The following SEC31A variants were observed in gnomAD, a reference collection of about 807,000 sequenced individuals.
SEC31A encodes the protein SEC31 homolog A, COPII component, also known as protein transport protein Sec31A.
In SEC31A, 70 loss-of-function variants were observed where a neutral mutation model predicts 151.0. That is an observed-to-expected ratio of 0.46 (90% CI 0.38 to 0.57). The LOEUF (loss-of-function observed/expected upper bound fraction) is 0.57. Ranked by LOEUF, SEC31A falls within the 20% of genes least tolerant of loss-of-function variation. The probability of loss-of-function intolerance (pLI) is 0.00; values close to 1 mark genes in which losing one functional copy is unlikely to be tolerated. For missense variants in SEC31A, 1,330 were observed against 1,471.2 expected, an observed-to-expected ratio of 0.90 and a Z score of 1.57; for synonymous variants, 475 against 505.9, an observed-to-expected ratio of 0.94 and a Z score of 0.82.
At chr4:82,833,158 A>C (rs1011312875) in intron 22 of SEC31A, among the ~76,000 whole-genome samples, 3 of 152,234 alleles carry the variant, frequency 2.0e-5, no homozygotes, top group African/African-American at 7.2e-5. Flanking sequence ...ACCAACCCAA[A>C]TGTCCATCAA....
intron 22 of SEC31A, among the ~76,000 whole-genome samples, chr4:82,841,442 T>TTATATATATATATATATATATATATA (rs58373170): frequency 3.1e-3 from 202 of 64,234 alleles, no homozygotes; most frequent in South Asian, 6.6e-3. Flanking sequence ...AAAAAAAATT[T>TTATATATATATATATATATATATATA]TATATATATA....
At chr4:82,836,291 T>A (rs769734482) in intron 22 of SEC31A, among the ~76,000 whole-genome samples, 1 of 146,792 alleles carries the variant, frequency 6.8e-6, no homozygotes, top group Non-Finnish European at 1.5e-5. Context: ...GAGAATTGCT[T>A]GAACCCAGGA....
chr4:82,821,915 C>A (rs1723455640), intron 25 of SEC31A, among the ~76,000 whole-genome samples: 1 of 152,052 alleles, frequency 6.6e-6, no homozygotes, highest in South Asian at 2.1e-4. Context: ...TTTGTTTAAT[C>A]CTGCCTTTTT....
chr4:82,876,953 G>A (rs1317478828), intron 4 of SEC31A, among the ~76,000 whole-genome samples: 5 of 152,162 alleles, frequency 3.3e-5, no homozygotes, highest in South Asian at 2.1e-4. Context: ...CTATAGAAAC[G>A]AAGGCTGGGC....
chr4:82,841,435 A>G (rs1399155062), intron 22 of SEC31A, among the ~76,000 whole-genome samples: 50 of 30,804 alleles, frequency 1.6e-3, no homozygotes, highest in Non-Finnish European at 4.8e-3. Flanking sequence ...AAAAGAAAAA[A>G]AAAATTTTAT....
intron 1 of SEC31A, among the ~76,000 whole-genome samples, chr4:82,886,803 T>G (rs1335472730): frequency 6.6e-6 from 1 of 152,252 alleles, no homozygotes; most frequent in Non-Finnish European, 1.5e-5. Context: ...ATAAACATTT[T>G]GTAACATTCT....
intron 1 of SEC31A, among the ~76,000 whole-genome samples, chr4:82,887,947 GAGGC>G (rs1049844347): frequency 3.9e-5 from 6 of 152,170 alleles, no homozygotes; most frequent in African/African-American, 1.4e-4. Flanking sequence ...TCGGGAGGCT[GAGGC>G]AGGAGAATGG....
At chr4:82,858,255 C>CA (rs1191413380) in intron 14 of SEC31A, among the ~76,000 whole-genome samples, 1 of 150,988 alleles carries the variant, frequency 6.6e-6, no homozygotes, top group Non-Finnish European at 1.5e-5. Flanking sequence ...TACTAAAATA[C>CA]AAAAAATTGG....
intron 10 of SEC31A, among the ~76,000 whole-genome samples, chr4:82,865,716 A>G (rs1735222373): frequency 6.6e-6 from 1 of 152,090 alleles, no homozygotes; most frequent in African/African-American, 2.4e-5. Flanking sequence ...TTCCATTTAT[A>G]TGAGTAATTT....
intron 7 of SEC31A, chr4:82,871,258 A>G: frequency 7.5e-7 from 1 of 1,334,506 alleles, no homozygotes. Flanking sequence ...TTATCTAACT[A>G]TATGCACAAA....
intron 7 of SEC31A, 133 bp from the exon 8 acceptor site, chr4:82,870,557 G>A (rs1736424936): frequency 2.9e-6 from 2 of 699,832 alleles, no homozygotes; most frequent in Non-Finnish European, 4.7e-6. Flanking sequence ...TCAGCGCCGG[G>A]CGCATTGGCT....
rs190238582 is a variant in SEC31A, at chr4:82,890,782, A to G, written c.-5+306T>C. The G allele has an allele frequency of 8.7e-4, 1,101 of 1,265,516 alleles. 2 individuals are homozygous for G. Among genetic ancestry groups the G allele is most frequent in the South Asian group, 4.6e-3 (201 of 43,528 alleles). 78.4% of individuals were successfully genotyped at this position (1,265,516 alleles called of 1,614,324 possible). A position where few individuals can be genotyped will look rare whatever the true frequency, so the allele number is the denominator to read the frequency against. ...GTGCACAAGGGTCTGAAAGTCTCCT[A>G]ATCTCAAACTCCAGTTACCAGCCCG... On this transcript the variant is annotated intron_variant, in intron 1 of 26. Transcript: ENST00000395310.
chr4:82,898,046 C>G (rs1005175230), intron 3 of SEC31A: 1 of 152,210 alleles, frequency 6.6e-6, no homozygotes, highest in Non-Finnish European at 1.5e-5. Context: ...TTCTCAACAT[C>G]TCTGAGAGTA....
chr4:82,860,985 G>A (rs370959535), intron 14 of SEC31A, among the ~76,000 whole-genome samples: 1 of 151,592 alleles, frequency 6.6e-6, no homozygotes, highest in African/African-American at 2.4e-5. Context: ...AAGATGAGAT[G>A]AGAAGAACTT....
chr4:82,849,032 A>G, intron 19 of SEC31A, 55 bp from the exon 20 acceptor site: 1 of 1,468,540 alleles, frequency 6.8e-7, no homozygotes, highest in Non-Finnish European at 9.3e-7. Context: ...GGTATATGAC[A>G]GCATGTTAAT....
At chr4:82,864,124 T>C (rs1306881054) in intron 11 of SEC31A, among the ~76,000 whole-genome samples, 1 of 152,166 alleles carries the variant, frequency 6.6e-6, no homozygotes, top group Non-Finnish European at 1.5e-5. Flanking sequence ...ACAGACCTAT[T>C]ATTATTTTTT....
chr4:82,837,074 A>T (rs1332092409), intron 22 of SEC31A, among the ~76,000 whole-genome samples: 9 of 149,682 alleles, frequency 6.0e-5, no homozygotes, highest in South Asian at 2.1e-4. Flanking sequence ...AAAATTTTTT[A>T]AAAGTTCTGC....
intron 20 of SEC31A, among the ~76,000 whole-genome samples, chr4:82,847,385 C>G (rs1438628061): frequency 6.6e-6 from 1 of 152,224 alleles, no homozygotes; most frequent in Non-Finnish European, 1.5e-5. Flanking sequence ...ATTTACGATT[C>G]ACTTTGTCTT....
intron 18 of SEC31A, 140 bp downstream of exon 18, chr4:82,853,430 T>C (rs1161371196): frequency 1.0e-5 from 7 of 683,788 alleles, no homozygotes; most frequent in Admixed American, 3.6e-5. Context: ...TCTTCAAAGA[T>C]AGCAATAAAT....
Sources: allele counts gnomAD v4.1 joint callset (sites outside exome capture counted in the v4.1 genomes callset), GRCh38; gene constraint gnomAD v4.1.1; transcripts MANE v1.5; gene names NCBI Gene and HGNC (gene_info 2026-07-23, HGNC 2026-07-21).